Variants in PSD3 observed in about 807,000 individuals in gnomAD.
PSD3 encodes the protein pleckstrin and Sec7 domain containing 3.
Under a neutral mutation model 105.5 loss-of-function variants are expected in PSD3, and 49 were observed. The observed-to-expected ratio is 0.46, with a 90% CI of 0.37 to 0.59. The LOEUF is 0.59. Among genes scored for constraint, PSD3 ranks in the 20% least tolerant of loss-of-function variants. The probability of loss-of-function intolerance (pLI) is 0.00; values close to 1 mark genes in which losing one functional copy is unlikely to be tolerated. For synonymous variants in PSD3, 557 were observed against 457.8 expected (o/e 1.22, Z -2.77); for missense variants, 1,561 against 1,263.8 (o/e 1.24, Z -3.57).
At chr8:19,061,803 TAA>T (rs397893093) in intron 1 of PSD3, among the ~76,000 whole-genome samples, 142 of 142,044 alleles carry the variant, frequency 1.0e-3, no homozygotes, top group African/African-American at 3.2e-3. Context: ...AGACTCCGTC[TAA>T]AAAAAAAAAA....
rs181133330 is a variant in PSD3 at position 18,562,864 on chromosome 8, G to A, written c.2785-6512C>T. Among the ~76,000 whole-genome samples the A allele has an allele frequency of 3.3e-4, 50 of 152,062 alleles. No individual in the cohort carries two copies. The East Asian group carries it at 9.5e-3, about 29-fold the overall frequency. Reference sequence around the variant, plus strand: ...AGATCATGCCACTGCACTCCAGCCTGGGCGACAGAGTGAGACTCTGTCTAG... The same window carrying A: ...AGATCATGCCACTGCACTCCAGCCTAGGCGACAGAGTGAGACTCTGTCTAG... On this transcript the variant is annotated intron_variant, in intron 14 of 15. Transcript: ENST00000327040.
intron 4 of PSD3, among the ~76,000 whole-genome samples, chr8:18,836,160 G>A (rs1441952705): frequency 1.3e-5 from 2 of 152,142 alleles, no homozygotes; most frequent in Non-Finnish European, 2.9e-5. Context: ...AAAAGGTGCT[G>A]GAGACTCCCG....
intron 9 of PSD3, among the ~76,000 whole-genome samples, chr8:18,757,204 G>A (rs1806121980): frequency 6.6e-6 from 1 of 150,740 alleles, no homozygotes; most frequent in East Asian, 2.0e-4. Context: ...TGGAATCCCA[G>A]CACTTTGGGA....
At chr8:18,914,338 T>C (rs1820444985) in intron 2 of PSD3, among the ~76,000 whole-genome samples, 1 of 152,134 alleles carries the variant, frequency 6.6e-6, no homozygotes, top group Non-Finnish European at 1.5e-5. Context: ...TCACCACTTC[T>C]GTCAGCACAG....
At chr8:18,976,142 C>T (rs1266163176) in intron 1 of PSD3, among the ~76,000 whole-genome samples, 4 of 152,000 alleles carry the variant, frequency 2.6e-5, no homozygotes, top group African/African-American at 7.2e-5. Flanking sequence ...CATTAAAATG[C>T]TTATACTAGA....
At chr8:19,084,422 T>C (rs1248620187) in exon 1 of PSD3, 8 of 455,964 alleles carry the variant, frequency 1.8e-5, no homozygotes, top group South Asian at 1.1e-4. Context: ...GAGGGGAGCA[T>C]CCCAAGGCAT....
chr8:18,570,438 G>A (rs1462136118), intron 14 of PSD3, among the ~76,000 whole-genome samples: 1 of 132,230 alleles, frequency 7.6e-6, no homozygotes, highest in Non-Finnish European at 1.6e-5. Context: ...AACACCAAAA[G>A]CAATGGCAAC....
At chr8:19,015,223 C>G (rs1827140162), upstream of PSD3, among the ~76,000 whole-genome samples, 1 of 152,148 alleles carries the variant, frequency 6.6e-6, no homozygotes, top group Non-Finnish European at 1.5e-5. Context: ...TGCACAAGCT[C>G]TCTCTTGGCC....
chr8:18,728,651 AG>A (rs1477608038), intron 9 of PSD3, among the ~76,000 whole-genome samples: 11 of 152,364 alleles, frequency 7.2e-5, no homozygotes, highest in Non-Finnish European at 1.6e-4. Context: ...CAGACTTTCA[AG>A]GGCCAAGCAG....
chr8:18,542,778 G>T (rs1800224779), intron 15 of PSD3, among the ~76,000 whole-genome samples: 1 of 152,140 alleles, frequency 6.6e-6, no homozygotes, highest in Non-Finnish European at 1.5e-5. Context: ...TCATAATGTA[G>T]CCCTTTCAGG....
At chr8:19,063,771 TTAAAA>T (rs1383936986) in intron 1 of PSD3, among the ~76,000 whole-genome samples, 1 of 152,172 alleles carries the variant, frequency 6.6e-6, no homozygotes, top group African/African-American at 2.4e-5. Context: ...TTCCTTAGTC[TTAAAA>T]TAAGAGTTGT....
At chr8:18,877,384 G>T (rs1817791681) in intron 2 of PSD3, among the ~76,000 whole-genome samples, 1 of 151,936 alleles carries the variant, frequency 6.6e-6, no homozygotes, top group Admixed American at 6.6e-5. Context: ...TTTGTATGTG[G>T]ATATCCAGTT....
At chr8:18,594,017 T>G (rs1803814972) in intron 12 of PSD3, among the ~76,000 whole-genome samples, 1 of 143,248 alleles carries the variant, frequency 7.0e-6, no homozygotes, top group African/African-American at 2.6e-5. Flanking sequence ...GAGACATACC[T>G]AATGCAAATG....
At chr8:18,925,900 T>C (rs980914550) in intron 2 of PSD3, among the ~76,000 whole-genome samples, 1 of 152,194 alleles carries the variant, frequency 6.6e-6, no homozygotes, top group Non-Finnish European at 1.5e-5. Flanking sequence ...TGAATTCTTA[T>C]CTTTTTAAAA....
chr8:18,807,718 C>A (rs1811325314), intron 4 of PSD3, among the ~76,000 whole-genome samples: 1 of 152,142 alleles, frequency 6.6e-6, no homozygotes, highest in Non-Finnish European at 1.5e-5. Context: ...CACATGCCTA[C>A]CAGTTAAAAT....
intron 8 of PSD3, among the ~76,000 whole-genome samples, chr8:18,783,315 C>G (rs755579549): frequency 1.3e-5 from 2 of 152,194 alleles, no homozygotes; most frequent in Non-Finnish European, 2.9e-5. Flanking sequence ...GTAATGCCCT[C>G]TTCATTACTG....
chr8:18,945,091 C>A (rs929677996), intron 1 of PSD3, among the ~76,000 whole-genome samples: 1 of 152,080 alleles, frequency 6.6e-6, no homozygotes, highest in African/African-American at 2.4e-5. Context: ...CACATACGTA[C>A]ACACACACAT....
intron 4 of PSD3, among the ~76,000 whole-genome samples, chr8:18,810,309 C>T (rs1811585705): frequency 6.6e-6 from 1 of 152,162 alleles, no homozygotes; most frequent in Non-Finnish European, 1.5e-5. Context: ...TCTGCCATGT[C>T]TACTTCCTCC....
intron 1 of PSD3, among the ~76,000 whole-genome samples, chr8:18,986,059 A>G (rs759590393): frequency 6.6e-5 from 10 of 152,206 alleles, no homozygotes; most frequent in Non-Finnish European, 1.2e-4. Context: ...TAAAATACAC[A>G]TTGGATAATG....
Sources: gnomAD v4.1 joint callset for allele counts (sites outside exome capture counted in the v4.1 genomes callset) on GRCh38, gnomAD v4.1.1 for gene constraint, MANE v1.5 for transcripts, NCBI Gene and HGNC (gene_info 2026-07-23, HGNC 2026-07-21) for gene names.